Variants in KIAA1671 observed in about 807,000 individuals in gnomAD.
KIAA1671 encodes KIAA1671, also known as uncharacterized protein KIAA1671.
In KIAA1671, 52 loss-of-function variants were observed where a neutral mutation model predicts 131.2. That is an observed-to-expected ratio of 0.40 (90% CI 0.32 to 0.50). The LOEUF is 0.50. Among genes scored for constraint, KIAA1671 ranks in the 20% least tolerant of loss-of-function variants. The pLI, the probability that KIAA1671 is intolerant of heterozygous loss-of-function variation, is 0.73. For synonymous variants in KIAA1671, 1,003 were observed against 961.6 expected (o/e 1.04, Z -0.80); for missense variants, 2,360 against 2,364.2 (o/e 1.00, Z 0.04).
chr22:25,126,027 T>C (rs138761344), intron 6 of KIAA1671, among the ~76,000 whole-genome samples: 216 of 152,340 alleles, frequency 1.4e-3, no homozygotes, highest in Middle Eastern at 6.8e-3. Context: ...TGACAGGAGA[T>C]GCTGGTGGAG....
intron 6 of KIAA1671, among the ~76,000 whole-genome samples, chr22:25,145,957 A>C (rs9612875): frequency 0.048 from 7,280 of 152,000 alleles, 249 homozygotes; most frequent in Non-Finnish European, 0.075. Context: ...AAAAAAAAAA[A>C]AAACAACAAC....
chr22:25,188,249 C>T (rs1049741521), intron 11 of KIAA1671, among the ~76,000 whole-genome samples: 8 of 152,158 alleles, frequency 5.3e-5, no homozygotes, highest in Non-Finnish European at 8.8e-5. Flanking sequence ...TGCAGTAAGC[C>T]GAGATGGCGC....
chr22:25,171,461 C>T (rs910705482), intron 7 of KIAA1671, among the ~76,000 whole-genome samples: 1 of 152,100 alleles, frequency 6.6e-6, no homozygotes, highest in Non-Finnish European at 1.5e-5. Flanking sequence ...CCTGTAATCC[C>T]AGCACTTTGG....
chr22:24,968,265 C>G (rs1162946799), intron 1 of KIAA1671, among the ~76,000 whole-genome samples: 1 of 152,160 alleles, frequency 6.6e-6, no homozygotes, highest in Non-Finnish European at 1.5e-5. Context: ...GCCCAGAATG[C>G]TGGCTGACCT....
Position 25,159,120 on chromosome 22 carries a change from A to G in KIAA1671, c.4531-11700A>G, listed in dbSNP as rs567814697. ...AGGCCGACAGGAGCCTGGGCCTCCC[A>G]GCCCAGCTGTTGTTTGTGTTTATAG... On this transcript the variant is annotated intron_variant, in intron 6 of 12. Transcript: ENST00000358431. Among the ~76,000 whole-genome samples, 3 of 152,228 alleles carry G rather than the reference A, an allele frequency of 2.0e-5. No individual in the cohort carries two copies. In the East Asian group the frequency reaches 5.8e-4, roughly 29 times the overall value.
chr22:24,973,492 G>A (rs1271835086), intron 1 of KIAA1671, among the ~76,000 whole-genome samples: 3 of 130,442 alleles, frequency 2.3e-5, no homozygotes, highest in African/African-American at 5.6e-5. Flanking sequence ...TCCACCTCCC[G>A]GTTCAAGCAA....
At chr22:25,021,267 C>G (rs1302859845) in intron 1 of KIAA1671, among the ~76,000 whole-genome samples, 9 of 151,504 alleles carry the variant, frequency 5.9e-5, no homozygotes, top group Admixed American at 5.9e-4. Flanking sequence ...CCATGTTGCC[C>G]AGGCTGGTCT....
chr22:24,973,445 C>G (rs9608353), intron 1 of KIAA1671, among the ~76,000 whole-genome samples: 3,400 of 129,496 alleles, frequency 0.026, 144 homozygotes, highest in African/African-American at 0.088. Flanking sequence ...GTTGCCCAGG[C>G]TGGAGTGCAA....
intron 10 of KIAA1671, among the ~76,000 whole-genome samples, chr22:25,182,289 CCT>C (rs532541925): frequency 5.3e-5 from 8 of 151,030 alleles, no homozygotes; most frequent in Middle Eastern, 3.4e-3. Context: ...TCCCTTCCTA[CCT>C]CTTTCTCTTT....
Position 25,029,401 on chromosome 22 carries a change from G to A in KIAA1671, c.1402G>A (p.Ala468Thr). The A allele has an allele frequency of 6.4e-7, 1 of 1,551,418 alleles. No individual in the cohort carries two copies. The highest frequency in any genetic ancestry group is 8.7e-7 in the Non-Finnish European group (1 of 1,146,844). Residue 468 changes from alanine (A) to threonine (T), a missense_variant, in exon 3 of 13, where the codon GCG becomes ACG. Physicochemically the swap from Ala to Thr is moderately conservative, Grantham distance 58. Around this residue, in one of 3 missense-constraint regions of KIAA1671, gnomAD observed 1,185 missense variants for 1,126.2 expected, o/e 1.05. Coordinates refer to ENST00000358431, the MANE Select transcript of KIAA1671 (RefSeq NM_001145206.2). ...SPLATPASPS[A>T]APEPEKGVVS... ...CCTGGCCACCCCTGCGTCCCCATCG[G>A]CGGCACCAGAGCCGGAGAAAGGGGT... is the stretch of plus-strand genomic sequence containing the variant.
At chr22:25,189,484 T>C (rs12160133) in intron 11 of KIAA1671, among the ~76,000 whole-genome samples, 202 of 152,340 alleles carry the variant, frequency 1.3e-3, no homozygotes, top group African/African-American at 4.7e-3. Flanking sequence ...GGCCAGTCTT[T>C]TTCTATTCAG....
chr22:25,168,611 T>G (rs1933729669), intron 6 of KIAA1671, among the ~76,000 whole-genome samples: 2 of 151,986 alleles, frequency 1.3e-5, no homozygotes, highest in Non-Finnish European at 2.9e-5. Context: ...GAAAATCACT[T>G]GAACCTGGGA....
chr22:25,039,822 C>A lies in KIAA1671; in HGVS notation c.2692C>A (p.Gln898Lys). The A allele has an allele frequency of 6.5e-7, 1 of 1,534,098 alleles. No homozygotes were observed. Among genetic ancestry groups the A allele is most frequent in the Non-Finnish European group, 8.8e-7 (1 of 1,136,452 alleles). Residue 898 changes from glutamine (Q) to lysine (K), a missense_variant, in exon 5 of 13, where the codon CAA (glutamine) becomes AAA (lysine). Coordinates refer to ENST00000358431, the MANE Select transcript of KIAA1671 (RefSeq NM_001145206.2). ...GGCTACGAATGGGCCTTCTGACTCCCAAGCACGAACACATCCAGATGCATT... is the reference window on the plus strand; with the variant it reads ...GGCTACGAATGGGCCTTCTGACTCCAAAGCACGAACACATCCAGATGCATT... ...SRATNGPSDSQARTHPDAFAV... is the reference protein window; with the variant it reads ...SRATNGPSDSKARTHPDAFAV...
At chr22:25,129,959 G>C (rs1477244535) in intron 6 of KIAA1671, among the ~76,000 whole-genome samples, 1 of 152,210 alleles carries the variant, frequency 6.6e-6, no homozygotes, top group East Asian at 1.9e-4. Flanking sequence ...CTTATTAACA[G>C]ACAGGGTGCA....
Position 25,028,845 on chromosome 22 carries a change from C to T in KIAA1671, c.846C>T (p.Pro282=). 1.9e-6 allele frequency: 3 copies of T among 1,550,956 alleles called. No individual in the cohort carries two copies. In the South Asian group the frequency reaches 3.6e-5, roughly 18 times the overall value. ...PEKTWVRKPR[P]LSMDLTARFE... ...AGACGTGGGTGAGGAAGCCCAGGCC[C>T]TTGTCCATGGACCTCACGGCCCGGT... The change falls in exon 3 of 13, where the codon CCC becomes CCT. Residue 282 remains proline, a synonymous_variant. Transcript: ENST00000358431.
intron 1 of KIAA1671, among the ~76,000 whole-genome samples, chr22:25,020,939 G>A (rs1250221760): frequency 6.6e-6 from 1 of 152,182 alleles, no homozygotes; most frequent in Non-Finnish European, 1.5e-5. Flanking sequence ...AAGCATCAGG[G>A]AGACACGGGG....
chr22:25,098,671 C>T (rs942262498), intron 6 of KIAA1671, among the ~76,000 whole-genome samples: 17 of 151,852 alleles, frequency 1.1e-4, no homozygotes, highest in African/African-American at 3.9e-4. Flanking sequence ...GCCAGGGGCT[C>T]TGGAAGAGAC....
At chr22:25,063,805 T>C (rs1413920506) in intron 6 of KIAA1671, 1 of 152,180 alleles carries the variant, frequency 6.6e-6, no homozygotes, top group Non-Finnish European at 1.5e-5. Context: ...TGCAAGCACA[T>C]ACTGTTATGG....
At chr22:25,163,027 C>A (rs112731429) in intron 6 of KIAA1671, among the ~76,000 whole-genome samples, 1 of 152,094 alleles carries the variant, frequency 6.6e-6, no homozygotes, top group African/African-American at 2.4e-5. Context: ...TGTTTTGTTA[C>A]CTTAAAAAAA....
Sources: allele counts gnomAD v4.1 joint callset (sites outside exome capture counted in the v4.1 genomes callset), GRCh38; gene constraint gnomAD v4.1.1; regional missense constraint gnomAD v4.1.1; transcripts MANE v1.5; gene names NCBI Gene and HGNC (gene_info 2026-07-23, HGNC 2026-07-21).